Variants in NUCKS1 observed in about 807,000 individuals in gnomAD.
The protein encoded by NUCKS1 is nuclear casein kinase and cyclin dependent kinase substrate 1.
Under a neutral mutation model 33.0 loss-of-function variants are expected in NUCKS1, and 2 were observed. That is an observed-to-expected ratio of 0.06 (90% confidence interval 0.02 to 0.19). NUCKS1 has a LOEUF of 0.19. Among genes scored for constraint, NUCKS1 ranks in the 10% least tolerant of loss-of-function variants. The pLI is 1.00. For missense variants in NUCKS1, 201 were observed against 293.6 expected, an observed-to-expected ratio of 0.68 and a Z score of 2.31; for synonymous variants, 106 against 102.8, an observed-to-expected ratio of 1.03 and a Z score of -0.19.
chr1:205,745,013 C>A (rs1000056285), intron 1 of NUCKS1, among the ~76,000 whole-genome samples: 8 of 152,280 alleles, frequency 5.3e-5, no homozygotes, highest in Middle Eastern at 3.4e-3. Context: ...GTACATGCAT[C>A]CTGTTACCTT....
chr1:205,731,067 T>C (rs1209475482), intron 1 of NUCKS1, among the ~76,000 whole-genome samples: 1 of 152,232 alleles, frequency 6.6e-6, no homozygotes, highest in Non-Finnish European at 1.5e-5. Context: ...TTAAGCTTTA[T>C]ACAGAAGGGG....
chr1:205,736,030 T>G (rs939612668), intron 1 of NUCKS1, among the ~76,000 whole-genome samples: 6 of 152,170 alleles, frequency 3.9e-5, no homozygotes, highest in Admixed American at 2.0e-4. Flanking sequence ...TAGCTCACTA[T>G]AGCCTCAAAC....
chr1:205,746,224 G>A (rs374385815), intron 1 of NUCKS1, among the ~76,000 whole-genome samples: 14 of 152,112 alleles, frequency 9.2e-5, no homozygotes, highest in Non-Finnish European at 1.2e-4. Flanking sequence ...GAACCCGGGA[G>A]GTGGAGGTTG....
At position 205,731,673 on chromosome 1, in the gene NUCKS1, C is replaced by T. The variant is rs564113404; in HGVS notation, c.18-2052G>A. 3.3e-5 allele frequency among the ~76,000 whole-genome samples: 5 copies of T among 152,122 alleles called. No homozygotes were observed. The East Asian group carries it at 7.7e-4, about 23-fold the overall frequency. On this transcript the variant is annotated intron_variant, in intron 1 of 6. Transcript: ENST00000367142. Reference sequence around the variant, plus strand: ...TTGGGAGGCCGAGGCGGGCAGATCACGAGGTCAGGAGATTGAGACCATCCT... The same window carrying T: ...TTGGGAGGCCGAGGCGGGCAGATCATGAGGTCAGGAGATTGAGACCATCCT...
In NUCKS1 at chr1:205,720,615, G is replaced by A; in HGVS notation, c.268C>T (p.Arg90Cys). ...TTAGATGCCGCCTGCCGTTGTTGGC[G>A]CACATTTTTATGATCTTCTTTTTCA... ...EDEKEDHKNV[R>C]QQRQAASKAA... The change falls in exon 5 of 7, where the codon CGC (arginine) becomes TGC (cysteine). Residue 90 changes from arginine (R) to cysteine (C), a missense_variant. Physicochemically the swap from Arg to Cys is radical, Grantham distance 180. Coordinates refer to ENST00000367142, the MANE Select transcript of NUCKS1 (RefSeq NM_022731.5). 1 of 1,613,778 alleles carries A rather than the reference G, an allele frequency of 6.2e-7. No homozygotes were observed. Among genetic ancestry groups the A allele is most frequent in the Non-Finnish European group, 8.5e-7 (1 of 1,179,938 alleles).
chr1:205,721,368 A>G (rs1397508368), intron 4 of NUCKS1, among the ~76,000 whole-genome samples: 1 of 152,238 alleles, frequency 6.6e-6, no homozygotes, highest in Non-Finnish European at 1.5e-5. Context: ...TATTACATAT[A>G]AAGTAACAAG....
At chr1:205,742,377 A>G (rs1029651614) in intron 1 of NUCKS1, among the ~76,000 whole-genome samples, 11 of 152,252 alleles carry the variant, frequency 7.2e-5, no homozygotes, top group Non-Finnish European at 1.5e-5. Context: ...ACCTACAATT[A>G]AGACCATTTA....
chr1:205,713,754 T>C lies in NUCKS1; in HGVS notation c.*4526A>G, dbSNP rs1159186603. On this transcript the variant is annotated 3_prime_UTR_variant, in exon 7 of 7. Coordinates refer to ENST00000367142, the MANE Select transcript of NUCKS1 (RefSeq NM_022731.5). ...ACCCTCTGGTGTCTGATCATGTATCTAGCAACATTGCAGTATGAAGAAAAG... is the reference window on the plus strand; with the variant it reads ...ACCCTCTGGTGTCTGATCATGTATCCAGCAACATTGCAGTATGAAGAAAAG... The C allele has an allele frequency of 6.6e-6, 1 of 152,230 alleles. No individual in the cohort carries two copies. Among genetic ancestry groups the C allele is most frequent in the Non-Finnish European group, 1.5e-5 (1 of 68,060 alleles). 9.4% of individuals were successfully genotyped at this position (152,230 alleles called of 1,614,324 possible).
intron 1 of NUCKS1, among the ~76,000 whole-genome samples, chr1:205,743,968 T>A (rs758666959): frequency 4.6e-5 from 7 of 152,232 alleles, no homozygotes; most frequent in Admixed American, 2.0e-4. Flanking sequence ...AACGCCCTCA[T>A]ATTTTGAAAC....
rs1671865221 is a variant in NUCKS1, at chr1:205,718,360, T to C, written c.652A>G (p.Lys218Glu). The change falls in exon 7 of 7, where the codon AAG (lysine) becomes GAG (glutamate). Residue 218 changes from lysine to glutamate, a missense_variant. Transcript: ENST00000367142. The part of the protein sequence containing the change: ...EDEEPESPPE[K>E]KTSTSPPPEK... ...GGTGGGGGGCTTGTAGATGTTTTCT[T>C]TTCTGGCGGGCTTTCCGGTTCCTCA... The C allele has an allele frequency of 6.2e-7, 1 of 1,613,764 alleles. No individual in the cohort carries two copies. The highest frequency in any genetic ancestry group is 1.7e-5 in the Admixed American group (1 of 59,994).
intron 1 of NUCKS1, among the ~76,000 whole-genome samples, chr1:205,730,876 T>C (rs1352837016): frequency 2.0e-5 from 3 of 152,212 alleles, no homozygotes; most frequent in Non-Finnish European, 2.9e-5. Context: ...TGTACCTATG[T>C]ATTCATTATA....
chr1:205,726,331 C>T (rs1039416294), intron 3 of NUCKS1, among the ~76,000 whole-genome samples: 22 of 152,308 alleles, frequency 1.4e-4, no homozygotes, highest in African/African-American at 5.3e-4. Flanking sequence ...GCCTGGGCAA[C>T]ATGGCGAGAG....
chr1:205,739,600 C>G (rs7554693), intron 1 of NUCKS1, among the ~76,000 whole-genome samples: 1,803 of 152,170 alleles, frequency 0.012, 36 homozygotes, highest in African/African-American at 0.041. Flanking sequence ...AGCCCCTACC[C>G]CAGTAGCTGG....
intron 1 of NUCKS1, 47 bp downstream of exon 1, chr1:205,749,909 GC>G (rs1654448702): frequency 6.3e-7 from 1 of 1,577,052 alleles, no homozygotes. Context: ...TTCACCACTC[GC>G]CCCCATCCCC....
At chr1:205,734,615 C>A (rs372965458) in intron 1 of NUCKS1, among the ~76,000 whole-genome samples, 2 of 152,122 alleles carry the variant, frequency 1.3e-5, no homozygotes, top group Non-Finnish European at 2.9e-5. Flanking sequence ...TGGTTCAGGC[C>A]GGGCTTGGTG....
Position 205,718,138 on chromosome 1 carries a change from G to A in NUCKS1, c.*142C>T, listed in dbSNP as rs1671859176. 2.4e-6 allele frequency: 3 copies of A among 1,266,940 alleles called. No individual in the cohort carries two copies. The highest frequency in any genetic ancestry group is 3.8e-5 in the Admixed American group (1 of 26,556). 78.5% of individuals were successfully genotyped at this position (1,266,940 alleles called of 1,614,324 possible). A position where few individuals can be genotyped will look rare whatever the true frequency, so the allele number is the denominator to read the frequency against. ...GAGAGAAATGTTACTTTCAACAAAT[G>A]GAAAAAAGCACTGAAAGCCCATGAG... On this transcript the variant is annotated 3_prime_UTR_variant, in exon 7 of 7. Coordinates refer to ENST00000367142, the MANE Select transcript of NUCKS1 (RefSeq NM_022731.5).
intron 2 of NUCKS1, among the ~76,000 whole-genome samples, chr1:205,729,357 C>T (rs1447862753): frequency 6.6e-6 from 1 of 152,120 alleles, no homozygotes; most frequent in East Asian, 1.9e-4. Context: ...AAGAAAAAAG[C>T]TTTTTAATGT....
At chr1:205,723,848 A>G in intron 4 of NUCKS1, 78 bp downstream of exon 4, 1 of 1,043,670 alleles carries the variant, frequency 9.6e-7, no homozygotes, top group South Asian at 1.5e-5. Context: ...TGCCTGGCAT[A>G]GAAATCACTT....
intron 3 of NUCKS1, among the ~76,000 whole-genome samples, chr1:205,727,256 T>G (rs373257685): frequency 5.9e-5 from 9 of 152,142 alleles, no homozygotes; most frequent in African/African-American, 2.2e-4. Flanking sequence ...TGAGCCACCA[T>G]GTACTCCTAA....
Sources: allele counts gnomAD v4.1 joint callset (sites outside exome capture counted in the v4.1 genomes callset), GRCh38; gene constraint gnomAD v4.1.1; transcripts MANE v1.5; gene names NCBI Gene and HGNC (gene_info 2026-07-23, HGNC 2026-07-21).